The following SH3GLB2 variants were observed in gnomAD, a reference collection of about 807,000 sequenced individuals.
SH3GLB2 encodes the protein SH3 domain containing GRB2 like, endophilin B2.
SH3GLB2 carries 24 observed loss-of-function variants against 48.0 expected under a neutral mutation model. The observed-to-expected ratio is 0.50, with a 90% confidence interval of 0.36 to 0.70. The LOEUF is 0.70. Ranked by LOEUF, SH3GLB2 falls within the 30% of genes least tolerant of loss-of-function variation. The pLI is 0.00. For synonymous variants in SH3GLB2, 227 were observed against 207.6 expected, an observed-to-expected ratio of 1.09 and a Z score of -0.80; for missense variants, 425 against 516.0, an observed-to-expected ratio of 0.82 and a Z score of 1.71.
chr9:129,020,570 C>T (rs80171448), intron 3 of SH3GLB2, among the ~76,000 whole-genome samples: 2 of 96,202 alleles, frequency 2.1e-5, no homozygotes, highest in South Asian at 6.3e-4. Flanking sequence ...AACTGTGTCT[C>T]AAAAAAAAAA....
chr9:129,007,978 G>A lies in SH3GLB2; in HGVS notation c.*706C>T, dbSNP rs1842858478. 6.6e-6 allele frequency: 1 copy of A among 152,432 alleles called. No individual in the cohort carries two copies. Among genetic ancestry groups the A allele is most frequent in the Admixed American group, 6.5e-5 (1 of 15,294 alleles). The allele number at this position is 152,432 out of a possible 1,614,324, so 9.4% of individuals were successfully genotyped here. The stretch of plus-strand genomic sequence containing the variant: ...ACTCTGTGGAAGAGTGGGGCAGAGG[G>A]TGAGTCTACCTTTCCCTTTACCACC... On this transcript the variant is annotated 3_prime_UTR_variant, in exon 11 of 11. Coordinates refer to ENST00000372564, the MANE Select transcript of SH3GLB2 (RefSeq NM_020145.4).
At chr9:129,012,459 AACC>A in intron 5 of SH3GLB2, 161 bp from the exon 6 acceptor site, 2 of 417,898 alleles carry the variant, frequency 4.8e-6, no homozygotes, top group Non-Finnish European at 8.3e-6. Flanking sequence ...TCCCGACTCC[AACC>A]ACCTGGAGAT....
At chr9:129,010,469 G>A in intron 7 of SH3GLB2, 1 of 657,236 alleles carries the variant, frequency 1.5e-6, no homozygotes, top group Non-Finnish European at 2.7e-6. Flanking sequence ...TGCATCCTGA[G>A]GGCCTACTGT....
chr9:129,010,752 C>G (rs1843070447), intron 6 of SH3GLB2, 59 bp from the exon 7 acceptor site: 2 of 1,606,908 alleles, frequency 1.2e-6, no homozygotes, highest in Admixed American at 3.3e-5. Flanking sequence ...CAGCTGGACC[C>G]TAGAGCCTGT....
At chr9:129,009,530 T>C (rs1006412600) in intron 9 of SH3GLB2, 184 bp from the exon 10 acceptor site, 75 of 1,547,816 alleles carry the variant, frequency 4.8e-5, no homozygotes, top group Admixed American at 1.4e-4. Context: ...CCCTGGTCCC[T>C]GCCATCCTCC....
intron 1 of SH3GLB2, among the ~76,000 whole-genome samples, chr9:129,026,611 C>A (rs1844178508): frequency 6.7e-6 from 1 of 149,652 alleles, no homozygotes; most frequent in Non-Finnish European, 1.5e-5. Flanking sequence ...CCCTGTGGGG[C>A]AGCTCCCACC....
chr9:129,025,763 C>T (rs941882521), intron 1 of SH3GLB2, among the ~76,000 whole-genome samples: 1 of 151,856 alleles, frequency 6.6e-6, no homozygotes, highest in African/African-American at 2.4e-5. Context: ...TTCAGAGCAG[C>T]ACTCCCCACC....
intron 3 of SH3GLB2, among the ~76,000 whole-genome samples, chr9:129,016,236 G>A (rs1391420753): frequency 6.6e-6 from 1 of 150,532 alleles, no homozygotes; most frequent in Non-Finnish European, 1.5e-5. Context: ...CCAGCTACTT[G>A]GGAGACTGAG....
chr9:129,009,408 C>G, intron 9 of SH3GLB2, 62 bp from the exon 10 acceptor site: 1 of 1,550,492 alleles, frequency 6.4e-7, no homozygotes. Context: ...GAGGCAAACT[C>G]CCCTCCCCAG....
chr9:129,009,366 C>T lies in SH3GLB2; in HGVS notation c.840-20G>A. 1 of 1,550,886 alleles carries T rather than the reference C, an allele frequency of 6.4e-7. No individual in the cohort carries two copies. Among genetic ancestry groups the T allele is most frequent in the South Asian group, 1.2e-5 (1 of 84,052 alleles). On this transcript the variant is annotated intron_variant, in intron 9 of 10. Transcript: ENST00000372564. ...GGAAATCTGGAGAGGAGGGATACAT[C>T]TTAGCAGGTGGGAGTCCCAGAAGGG...
intron 8 of SH3GLB2, 26 bp from the exon 9 acceptor site, chr9:129,009,897 C>T (rs1214738982): frequency 1.1e-5 from 17 of 1,598,584 alleles, no homozygotes; most frequent in Non-Finnish European, 1.3e-5. Context: ...CAGAGGCTGA[C>T]TTCTAACCTC....
chr9:129,008,682 G>T lies in SH3GLB2; in HGVS notation c.*2C>A. 6.2e-7 allele frequency: 1 copy of T among 1,612,940 alleles called. No individual in the cohort carries two copies. Among genetic ancestry groups the T allele is most frequent in the Non-Finnish European group, 8.5e-7 (1 of 1,178,966 alleles). On this transcript the variant is annotated 3_prime_UTR_variant, in exon 11 of 11. Coordinates refer to ENST00000372564, the MANE Select transcript of SH3GLB2 (RefSeq NM_020145.4). ...GAATGCGGGGGGGATGGGGGCACCTGCCTAGCTGAGCAGTTCCAAGTAGGT... is the reference window on the plus strand; with the variant it reads ...GAATGCGGGGGGGATGGGGGCACCTTCCTAGCTGAGCAGTTCCAAGTAGGT...
intron 7 of SH3GLB2, 177 bp from the exon 8 acceptor site, chr9:129,010,386 A>C: frequency 1.5e-6 from 1 of 646,630 alleles, no homozygotes; most frequent in Non-Finnish European, 2.7e-6. Flanking sequence ...CTAGAGCCCC[A>C]CTCAGGACCC....
chr9:129,020,653 G>T (rs556456473), intron 3 of SH3GLB2, among the ~76,000 whole-genome samples: 2 of 151,808 alleles, frequency 1.3e-5, no homozygotes, highest in Non-Finnish European at 2.9e-5. Flanking sequence ...AGATCACGAG[G>T]TCAGGAGATC....
Position 129,010,109 on chromosome 9 carries a change from G to A in SH3GLB2, c.738+11C>T. On this transcript the variant is annotated intron_variant, in intron 8 of 10. Transcript: ENST00000372564. ...GGGTTAGGTTTAGTGAGGGTGGGCA[G>A]TGGGACTCACGTGAGTGCTACTGAT... is the stretch of plus-strand genomic sequence containing the variant. The A allele has an allele frequency of 6.2e-7, 1 of 1,611,454 alleles. No homozygotes were observed. The highest frequency in any genetic ancestry group is 8.5e-7 in the Non-Finnish European group (1 of 1,177,604).
rs1227895564 is a variant in SH3GLB2 at position 129,007,480 on chromosome 9, C to T, written c.*1204G>A. On this transcript the variant is annotated 3_prime_UTR_variant, in exon 11 of 11. Coordinates refer to ENST00000372564, the MANE Select transcript of SH3GLB2 (RefSeq NM_020145.4). ...GGGGCCTACTGGCTGTTGGCCTTCT[C>T]AGGACTGAAGTCAGAATGCTAGGTC... The T allele has an allele frequency of 6.6e-6, 1 of 152,140 alleles. No individual in the cohort carries two copies. Among genetic ancestry groups the T allele is most frequent in the Non-Finnish European group, 1.5e-5 (1 of 68,014 alleles). The allele number at this position is 152,140 out of a possible 1,614,324, so 9.4% of individuals were successfully genotyped here.
At position 129,025,623 on chromosome 9, in the gene SH3GLB2, AAGGCAGGC is replaced by A. The variant is rs764337598; in HGVS notation, c.63+2461_63+2468del. 5.5e-4 allele frequency among the ~76,000 whole-genome samples: 81 copies of A among 146,094 alleles called. 1 individual carries two copies. The highest frequency in any genetic ancestry group is 2.4e-3 in the East Asian group (12 of 4,954). On this transcript the variant is annotated intron_variant, in intron 1 of 10. Transcript: ENST00000372564. ...AGAGGGACTAAGGGAGGAAGGAAGGAAGGCAGGCAGGCAGGCAGGCAGGCAGGCAGGCC... is the reference window on the plus strand; with the variant it reads ...AGAGGGACTAAGGGAGGAAGGAAGGAAGGCAGGCAGGCAGGCAGGCAGGCC...
intron 5 of SH3GLB2, chr9:129,012,892 G>T: frequency 7.5e-7 from 1 of 1,334,514 alleles, no homozygotes. Flanking sequence ...GGCTCTGGCG[G>T]GGAGACCAGC....
chr9:129,028,291 T>C lies in SH3GLB2; in HGVS notation c.-137A>G, dbSNP rs1268137285. ...GCACCCGCCTGCCGGCCTGCCCGCC[T>C]GCCCGCCCGCCGCAGCCGCCGAGCC... On this transcript the variant is annotated 5_prime_UTR_variant, in exon 1 of 11. Transcript: ENST00000372564. The C allele has an allele frequency of 1.4e-4, 65 of 476,108 alleles. No individual in the cohort carries two copies. The highest frequency in any genetic ancestry group is 1.0e-3 in the Middle Eastern group (1 of 956). 29.5% of individuals were successfully genotyped at this position (476,108 alleles called of 1,614,324 possible).
Sources: allele counts gnomAD v4.1 joint callset (sites outside exome capture counted in the v4.1 genomes callset), GRCh38; gene constraint gnomAD v4.1.1; transcripts MANE v1.5; gene names NCBI Gene and HGNC (gene_info 2026-07-23, HGNC 2026-07-21).